The following DSCAM variants were observed in gnomAD, a reference collection of about 807,000 sequenced individuals.
DSCAM encodes cell adhesion molecule DSCAM.
Under a neutral mutation model 217.7 loss-of-function variants are expected in DSCAM, and 47 were observed. That is an observed-to-expected ratio of 0.22 (90% CI 0.17 to 0.28). DSCAM has a LOEUF of 0.28. Ranked by LOEUF, DSCAM falls within the 10% of genes least tolerant of loss-of-function variation. The pLI, the probability that DSCAM is intolerant of heterozygous loss-of-function variation, is 1.00. For missense variants in DSCAM, 2,080 were observed against 2,618.3 expected, an observed-to-expected ratio of 0.79 and a Z score of 4.49; for synonymous variants, 1,056 against 1,015.3, an observed-to-expected ratio of 1.04 and a Z score of -0.76.
intron 3 of DSCAM, among the ~76,000 whole-genome samples, chr21:40,607,539 C>T (rs933991665): frequency 5.9e-5 from 9 of 151,770 alleles, no homozygotes; most frequent in Non-Finnish European, 1.0e-4. Flanking sequence ...CAAATCTCAT[C>T]GTGAATTGTA....
intron 3 of DSCAM, among the ~76,000 whole-genome samples, chr21:40,516,707 G>A (rs2076302451): frequency 6.6e-6 from 1 of 152,148 alleles, no homozygotes; most frequent in Non-Finnish European, 1.5e-5. Flanking sequence ...AGGAAGGAGA[G>A]AAACACAAGT....
chr21:40,033,064 A>G (rs910554331), intron 32 of DSCAM, among the ~76,000 whole-genome samples: 5 of 152,168 alleles, frequency 3.3e-5, no homozygotes, highest in South Asian at 2.1e-4. Context: ...TTAATTCCCA[A>G]TACAGATGTA....
intron 1 of DSCAM, among the ~76,000 whole-genome samples, chr21:40,783,946 A>G (rs2091569415): frequency 6.6e-6 from 1 of 152,130 alleles, no homozygotes; most frequent in Non-Finnish European, 1.5e-5. Flanking sequence ...GCTTCTGTAT[A>G]TAATCTAATA....
chr21:40,652,647 G>C (rs1244415353), intron 3 of DSCAM, among the ~76,000 whole-genome samples: 1 of 152,164 alleles, frequency 6.6e-6, no homozygotes, highest in Non-Finnish European at 1.5e-5. Flanking sequence ...GTGCAGTAAA[G>C]GGTTAATCCC....
chr21:40,089,522 C>A (rs1206902689), intron 21 of DSCAM, among the ~76,000 whole-genome samples: 1 of 152,210 alleles, frequency 6.6e-6, no homozygotes, highest in Non-Finnish European at 1.5e-5. Flanking sequence ...AGTGCCATGG[C>A]CCCATTCTGC....
chr21:40,799,657 A>G (rs1371344899), intron 1 of DSCAM, among the ~76,000 whole-genome samples: 1 of 152,208 alleles, frequency 6.6e-6, no homozygotes, highest in East Asian at 1.9e-4. Flanking sequence ...TTCAGCTTGT[A>G]AAGACCTCTT....
chr21:40,071,460 GTTAC>G (rs948568362), intron 27 of DSCAM, among the ~76,000 whole-genome samples: 5 of 152,062 alleles, frequency 3.3e-5, no homozygotes, highest in African/African-American at 1.2e-4. Context: ...ATCTAACTAG[GTTAC>G]TTGTCTATAC....
At chr21:40,428,887 T>C (rs1225231147) in intron 3 of DSCAM, among the ~76,000 whole-genome samples, 2 of 152,092 alleles carry the variant, frequency 1.3e-5, no homozygotes, top group East Asian at 3.9e-4. Flanking sequence ...CATTTAGGAA[T>C]ATAAAATATA....
intron 11 of DSCAM, among the ~76,000 whole-genome samples, chr21:40,201,386 T>A (rs1601435399): frequency 6.6e-6 from 1 of 152,170 alleles, no homozygotes; most frequent in African/African-American, 2.4e-5. Context: ...TCTTTTTTTT[T>A]TTCCATCTGT....
intron 3 of DSCAM, among the ~76,000 whole-genome samples, chr21:40,454,111 C>A (rs2075744327): frequency 6.6e-6 from 1 of 152,186 alleles, no homozygotes; most frequent in South Asian, 2.1e-4. Context: ...AGTCTGTCAC[C>A]ATGGCAAAGT....
chr21:40,275,729 C>G (rs778826598), intron 11 of DSCAM, among the ~76,000 whole-genome samples: 9 of 152,086 alleles, frequency 5.9e-5, no homozygotes, highest in Non-Finnish European at 1.2e-4. Context: ...CATCTGAGAC[C>G]ATGTATTGAG....
intron 11 of DSCAM, among the ~76,000 whole-genome samples, chr21:40,221,071 AAAGT>A (rs760141266): frequency 3.6e-4 from 55 of 152,344 alleles, no homozygotes; most frequent in Admixed American, 5.9e-4. Context: ...AGTGAGAAGC[AAAGT>A]AAGGATTTAA....
intron 24 of DSCAM, among the ~76,000 whole-genome samples, chr21:40,082,002 G>GC (rs2089469591): frequency 6.6e-6 from 1 of 152,082 alleles, no homozygotes; most frequent in Admixed American, 6.5e-5. Flanking sequence ...ATCCCTAGGT[G>GC]CCCCCTATTT....
chr21:40,115,391 A>T (rs2089957911), intron 20 of DSCAM, among the ~76,000 whole-genome samples: 1 of 152,174 alleles, frequency 6.6e-6, no homozygotes, highest in Non-Finnish European at 1.5e-5. Flanking sequence ...AGGAAGGGGA[A>T]CATCACACAC....
intron 8 of DSCAM, among the ~76,000 whole-genome samples, chr21:40,317,938 G>C (rs2074217401): frequency 6.6e-6 from 1 of 152,154 alleles, no homozygotes; most frequent in African/African-American, 2.4e-5. Flanking sequence ...AAGTCATTAA[G>C]AATGACTTAG....
chr21:40,351,985 G>C (rs2074636050), intron 5 of DSCAM, among the ~76,000 whole-genome samples: 1 of 152,162 alleles, frequency 6.6e-6, no homozygotes, highest in Non-Finnish European at 1.5e-5. Flanking sequence ...TTTGTGCAGG[G>C]ATTAGGAAGA....
At chr21:40,387,846 A>G (rs537181472) in intron 3 of DSCAM, among the ~76,000 whole-genome samples, 2 of 152,348 alleles carry the variant, frequency 1.3e-5, no homozygotes, top group African/African-American at 4.8e-5. Flanking sequence ...TAGATAAACA[A>G]TAAAATATTT....
At chr21:40,677,206 A>C (rs1311999081) in intron 3 of DSCAM, among the ~76,000 whole-genome samples, 2 of 116,844 alleles carry the variant, frequency 1.7e-5, no homozygotes, top group South Asian at 6.4e-4. Context: ...CAATGGGCAT[A>C]GGAGGATAAA....
chr21:40,658,875 C>T (rs1295959910), intron 3 of DSCAM, among the ~76,000 whole-genome samples: 1 of 152,010 alleles, frequency 6.6e-6, no homozygotes, highest in Non-Finnish European at 1.5e-5. Flanking sequence ...AAATTTAAGA[C>T]ATTAGTCTTA....
Sources: gnomAD v4.1 joint callset for allele counts (sites outside exome capture counted in the v4.1 genomes callset) on GRCh38, gnomAD v4.1.1 for gene constraint, MANE v1.5 for transcripts, NCBI Gene and HGNC (gene_info 2026-07-23, HGNC 2026-07-21) for gene names.